The following PCNT variants were observed in gnomAD, a reference collection of about 807,000 sequenced individuals.
PCNT encodes kendrin.
A neutral mutation model predicts 380.4 loss-of-function variants in PCNT; 319 were observed. The ratio of observed to expected loss-of-function variants is 0.84; its 90% CI spans 0.77 to 0.92. The LOEUF (loss-of-function observed/expected upper bound fraction) is 0.92, where lower values mean the gene tolerates loss of function less well. Among genes scored for constraint, PCNT ranks in the 40% least tolerant of loss-of-function variants. The probability of loss-of-function intolerance (pLI) is 0.00; values close to 1 mark genes in which losing one functional copy is unlikely to be tolerated. For missense variants in PCNT, 4,400 were observed against 4,255.3 expected (o/e 1.03, Z -0.95); for synonymous variants, 1,845 against 1,735.2 (o/e 1.06, Z -1.57).
At chr21:46,331,155 T>A (rs2083547390) in intron 2 of PCNT, among the ~76,000 whole-genome samples, 1 of 152,160 alleles carries the variant, frequency 6.6e-6, no homozygotes, top group Non-Finnish European at 1.5e-5. Flanking sequence ...ATTTCTAGCA[T>A]AAGTCTTTTT....
At chr21:46,412,762 G>A (rs1470080014) in intron 28 of PCNT, 75 bp from the exon 29 acceptor site, 2 of 1,539,460 alleles carry the variant, frequency 1.3e-6, no homozygotes, top group Non-Finnish European at 8.9e-7. Context: ...CTGGTTCCCA[G>A]CTCCAGGCCA....
intron 24 of PCNT, 88 bp downstream of exon 24, chr21:46,398,343 T>C: frequency 7.3e-7 from 1 of 1,362,456 alleles, no homozygotes; most frequent in Non-Finnish European, 1.0e-6. Context: ...ACCCACTCGC[T>C]TTTCTTGCTC....
chr21:46,355,733 G>C, intron 12 of PCNT, 107 bp downstream of exon 12: 2 of 1,092,484 alleles, frequency 1.8e-6, no homozygotes, highest in Non-Finnish European at 2.7e-6. Context: ...TGAAGCAGCT[G>C]AGTGCTCCGA....
At chr21:46,383,794 T>C (rs574952204) in intron 16 of PCNT, among the ~76,000 whole-genome samples, 20 of 134,258 alleles carry the variant, frequency 1.5e-4, no homozygotes, top group South Asian at 5.0e-4. Context: ...GTGCGTTCAG[T>C]GGCAGAAGCG....
intron 16 of PCNT, 114 bp downstream of exon 16, chr21:46,381,954 T>C: frequency 8.7e-7 from 1 of 1,154,302 alleles, no homozygotes; most frequent in Non-Finnish European, 1.3e-6. Context: ...GTTGTGCATT[T>C]ATAGTGTTGT....
At chr21:46,399,344 G>GAGTCT (rs1601961058) in intron 24 of PCNT, among the ~76,000 whole-genome samples, 1 of 152,008 alleles carries the variant, frequency 6.6e-6, no homozygotes, top group Non-Finnish European at 1.5e-5. Context: ...TGCAGCCTGT[G>GAGTCT]GGTCTAGGTC....
intron 27 of PCNT, among the ~76,000 whole-genome samples, chr21:46,406,274 A>G (rs1459975533): frequency 6.6e-6 from 1 of 151,932 alleles, no homozygotes; most frequent in Non-Finnish European, 1.5e-5. Context: ...GCTTATTCTA[A>G]CTCTGGGGTT....
rs530077693 is a variant in PCNT at position 46,421,853 on chromosome 21, G to A, written c.7025-117G>A. The A allele has an allele frequency of 1.5e-4, 162 of 1,099,662 alleles. 1 individual carries two copies. In the African/African-American group the frequency reaches 1.9e-3, roughly 13 times the overall value. 68.1% of individuals were successfully genotyped at this position (1,099,662 alleles called of 1,614,324 possible). A position where few individuals can be genotyped will look rare whatever the true frequency, so the allele number is the denominator to read the frequency against. On this transcript the variant is annotated intron_variant, in intron 31 of 46. Coordinates refer to ENST00000359568, the MANE Select transcript of PCNT (RefSeq NM_006031.6). ...GTGTTTTCTCCGTGAGCAGAATCAC[G>A]GTGTGGTTGTCGCTGGGGACTGCGG...
intron 46 of PCNT, 92 bp downstream of exon 46, chr21:46,444,913 T>C (rs112051035): frequency 8.3e-7 from 1 of 1,200,134 alleles, no homozygotes. Context: ...GTATTCAGCT[T>C]AGTAACCAAA....
At chr21:46,428,655 G>T in intron 35 of PCNT, 65 bp downstream of exon 35, 1 of 1,396,700 alleles carries the variant, frequency 7.2e-7, no homozygotes, top group South Asian at 1.2e-5. Flanking sequence ...ACACTCACCT[G>T]TGTGGCCTTG....
chr21:46,411,365 C>A lies in PCNT; in HGVS notation c.5292C>A (p.Ser1764Arg). The change falls in exon 28 of 47, where the codon AGC becomes AGA. Residue 1764 changes from serine (S) to arginine (R), a missense_variant. Coordinates refer to ENST00000359568, the MANE Select transcript of PCNT (RefSeq NM_006031.6). ...TGGGGCCTGTGGTGCACGAAGTCAG[C>A]GACAGTCAGGCTGGCAGTCTGCAGA... ...SLMGPVVHEVSDSQAGSLQSE... is the reference protein window; with the variant it reads ...SLMGPVVHEVRDSQAGSLQSE... 3.7e-6 allele frequency: 6 copies of A among 1,614,086 alleles called. No homozygotes were observed. The highest frequency in any genetic ancestry group is 5.1e-6 in the Non-Finnish European group (6 of 1,180,020).
chr21:46,426,060 G>T, intron 33 of PCNT, 89 bp downstream of exon 33: 3 of 706,650 alleles, frequency 4.2e-6, no homozygotes, highest in Non-Finnish European at 6.6e-6. Flanking sequence ...TGGACACTAG[G>T]ATTTCTTTCT....
At chr21:46,441,501 C>T (rs954146071) in intron 43 of PCNT, among the ~76,000 whole-genome samples, 3 of 152,218 alleles carry the variant, frequency 2.0e-5, no homozygotes, top group Non-Finnish European at 4.4e-5. Flanking sequence ...CTAGGAATCC[C>T]GCTCCTTTCA....
chr21:46,391,622 T>C (rs973931835), intron 21 of PCNT, among the ~76,000 whole-genome samples: 2 of 152,140 alleles, frequency 1.3e-5, no homozygotes, highest in Admixed American at 6.5e-5. Context: ...TCCCCACCTC[T>C]GTGAGGTGGA....
chr21:46,326,456 C>T lies in PCNT; in HGVS notation c.134C>T (p.Ala45Val). The change falls in exon 2 of 47, where the codon GCT becomes GTT. Residue 45 changes from alanine to valine, a missense_variant. Ala to Val is a moderately conservative substitution (Grantham distance 64). Transcript: ENST00000359568. ...EKKTAKRKGS[A>V]VDASVQEESP... ...AAGACGGCGAAGAGGAAGGGCTCGGCTGTCGATGCGTCTGTCCAGGAGGAG... is the reference window on the plus strand; with the variant it reads ...AAGACGGCGAAGAGGAAGGGCTCGGTTGTCGATGCGTCTGTCCAGGAGGAG... 1.9e-6 allele frequency: 3 copies of T among 1,614,224 alleles called. No individual in the cohort carries two copies. Among genetic ancestry groups the T allele is most frequent in the Non-Finnish European group, 2.5e-6 (3 of 1,180,040 alleles).
Position 46,333,973 on chromosome 21 carries a change from A to G in PCNT, c.268-424A>G, listed in dbSNP as rs554723040. On this transcript the variant is annotated intron_variant, in intron 2 of 46. Transcript: ENST00000359568. ...TGTAATCCCAGCACTTTGGGAGGCC[A>G]AGGCGGGCGGATCACGAGGTCAGGA... is the stretch of plus-strand genomic sequence containing the variant. Among the ~76,000 whole-genome samples the G allele has an allele frequency of 4.5e-4, 68 of 151,776 alleles. No homozygotes were observed. In the Middle Eastern group the frequency reaches 0.01, roughly 23 times the overall value.
intron 21 of PCNT, chr21:46,394,535 A>T (rs955620144): frequency 1.0e-6 from 1 of 985,130 alleles, no homozygotes. Context: ...ACAAGGACTC[A>T]GGTTTGTAAA....
intron 37 of PCNT, 165 bp downstream of exon 37, chr21:46,430,822 C>T: frequency 1.0e-6 from 1 of 985,452 alleles, no homozygotes; most frequent in Non-Finnish European, 1.2e-6. Context: ...AAAATTGCAC[C>T]TTGGTGTAGT....
intron 46 of PCNT, 120 bp downstream of exon 46, chr21:46,444,941 C>A: frequency 1.1e-6 from 1 of 909,068 alleles, no homozygotes; most frequent in Non-Finnish European, 1.8e-6. Flanking sequence ...TCTGAACAAT[C>A]AGTGTCACTA....
Sources: allele counts gnomAD v4.1 joint callset (sites outside exome capture counted in the v4.1 genomes callset), GRCh38; gene constraint gnomAD v4.1.1; transcripts MANE v1.5; gene names NCBI Gene and HGNC (gene_info 2026-07-23, HGNC 2026-07-21).